Variants in ATM observed in about 807,000 individuals in gnomAD.
ATM encodes ATM serine/threonine kinase.
ATM carries 308 observed loss-of-function variants against 387.0 expected under a neutral mutation model. That is an observed-to-expected ratio of 0.80 (90% CI 0.73 to 0.87). The LOEUF is 0.87. Ranked by LOEUF, ATM falls within the 40% of genes least tolerant of loss-of-function variation. The pLI is 0.00. For missense variants in ATM, 3,312 were observed against 3,560.9 expected, an observed-to-expected ratio of 0.93 and a Z score of 1.78; for synonymous variants, 1,156 against 1,187.3, an observed-to-expected ratio of 0.97 and a Z score of 0.54.
At position 108,335,160 on chromosome 11, in the gene ATM, T is replaced by C. The variant is rs765885490; in HGVS notation, c.8151+51T>C. The C allele has an allele frequency of 2.5e-6, 4 of 1,612,178 alleles. No individual in the cohort carries two copies. The South Asian group carries it at 4.4e-5, about 18-fold the overall frequency. ...CCCTTAGAGTTTTAGTGATGAAAAT[T>C]TTTAGTTCATATTTTCTTTCTGCTT... is the stretch of plus-strand genomic sequence containing the variant. On this transcript the variant is annotated intron_variant, in intron 55 of 62. Transcript: ENST00000675843.
In ATM at chr11:108,308,796, C is replaced by T. The variant is rs2083890898; in HGVS notation, c.5762+812C>T. ...TGTAGTCTTAAACCATTCTTCTTCT[C>T]TAGTAGAAAAAGAAGTTTTATGCTT... On this transcript the variant is annotated intron_variant, in intron 38 of 62. Transcript: ENST00000675843. 5.7e-6 allele frequency: 3 copies of T among 528,894 alleles called. No individual in the cohort carries two copies. The East Asian group carries it at 9.1e-5, about 16-fold the overall frequency. The allele number at this position is 528,894 out of a possible 1,614,324, so 32.8% of individuals were successfully genotyped here.
intron 26 of ATM, among the ~76,000 whole-genome samples, chr11:108,285,536 GTATT>G (rs2082447636): frequency 6.6e-6 from 1 of 151,776 alleles, no homozygotes; most frequent in Non-Finnish European, 1.5e-5. Flanking sequence ...ATTTATGTAT[GTATT>G]TATTTATTTT....
intron 14 of ATM, among the ~76,000 whole-genome samples, chr11:108,256,990 G>A (rs565626752): frequency 3.9e-4 from 60 of 152,270 alleles, no homozygotes; most frequent in African/African-American, 1.4e-3. Context: ...GTGTGCATGT[G>A]TCTTTATAGT....
At chr11:108,321,148 T>C (rs1487246625) in intron 44 of ATM, among the ~76,000 whole-genome samples, 153 bp from the exon 45 acceptor site, 1 of 152,200 alleles carries the variant, frequency 6.6e-6, no homozygotes, top group Non-Finnish European at 1.5e-5. Context: ...TGTATTTTGT[T>C]TCCACTGCTA....
rs1169813314 is a variant in ATM, at chr11:108,360,514, T to C, written c.8851-4568T>C. Among the ~76,000 whole-genome samples the C allele has an allele frequency of 5.5e-4, 72 of 131,132 alleles. 1 individual carries two copies. The highest frequency in any genetic ancestry group is 2.0e-3 in the African/African-American group (68 of 34,322). The allele number at this position is 131,132 out of a possible 152,430, so 86.0% of individuals were successfully genotyped here. On this transcript the variant is annotated intron_variant, in intron 61 of 62. Transcript: ENST00000675843. ...ACCAAAAAAGAGAATTTTAGACCAA[T>C]ATCCTTGATGAACATTGATGCAAAA... is the stretch of plus-strand genomic sequence containing the variant.
chr11:108,259,171 A>G, intron 16 of ATM, 96 bp downstream of exon 16: 1 of 1,011,438 alleles, frequency 9.9e-7, no homozygotes, highest in Non-Finnish European at 1.5e-6. Context: ...ATCTCACAAC[A>G]TATAGCTCTT....
intron 34 of ATM, 121 bp downstream of exon 34, chr11:108,300,006 T>C: frequency 5.2e-6 from 5 of 960,616 alleles, no homozygotes; most frequent in Non-Finnish European, 7.8e-6. Flanking sequence ...TCAGTGTCTT[T>C]ATGAAAATTC....
chr11:108,317,305 T>G, intron 42 of ATM, 68 bp from the exon 43 acceptor site: 3 of 1,521,940 alleles, frequency 2.0e-6, no homozygotes, highest in Non-Finnish European at 2.7e-6. Context: ...ATCTTTGCTG[T>G]TTTTTTCTCT....
chr11:108,350,719 CAA>C (rs2089085188), intron 59 of ATM, among the ~76,000 whole-genome samples: 1 of 152,090 alleles, frequency 6.6e-6, no homozygotes, highest in African/African-American at 2.4e-5. Flanking sequence ...GTGGGGATCT[CAA>C]CAGAGGAGCC....
intron 59 of ATM, among the ~76,000 whole-genome samples, chr11:108,350,544 G>C (rs2089064213): frequency 6.6e-6 from 1 of 152,180 alleles, no homozygotes; most frequent in Non-Finnish European, 1.5e-5. Flanking sequence ...TTAGAACAGA[G>C]ACAGTCACGG....
In ATM at chr11:108,306,374, T is replaced by C. The variant is rs189749979; in HGVS notation, c.5674+1522T>C. Among the ~76,000 whole-genome samples the C allele has an allele frequency of 1.9e-3, 290 of 152,184 alleles. 1 individual carries two copies. Among genetic ancestry groups the C allele is most frequent in the African/African-American group, 6.5e-3 (269 of 41,492 alleles). Reference sequence around the variant, plus strand: ...CTTTGTAAACTATCTAAAATGTATCTCTTATCTTTAATTGGGAAAATACAG... The same window carrying C: ...CTTTGTAAACTATCTAAAATGTATCCCTTATCTTTAATTGGGAAAATACAG... On this transcript the variant is annotated intron_variant, in intron 37 of 62. Coordinates refer to ENST00000675843, the MANE Select transcript of ATM (RefSeq NM_000051.4).
chr11:108,292,554 ATTTATTTCAGAGT>A, intron 29 of ATM, 52 bp from the exon 30 acceptor site: 1 of 1,552,266 alleles, frequency 6.4e-7, no homozygotes, highest in Non-Finnish European at 8.9e-7. Context: ...TTCTGAATGA[ATTTATTTCAGAGT>A]AATTTTCCAG....
intron 4 of ATM, among the ~76,000 whole-genome samples, 169 bp from the exon 5 acceptor site, chr11:108,235,501 G>GA (rs535426066): frequency 1.0e-4 from 15 of 147,282 alleles, no homozygotes; most frequent in East Asian, 3.9e-4. Context: ...TATTTGCAAA[G>GA]AAAAAAAAAA....
At chr11:108,325,899 G>A (rs566771672) in intron 46 of ATM, among the ~76,000 whole-genome samples, 159 bp from the exon 47 acceptor site, 1 of 152,298 alleles carries the variant, frequency 6.6e-6, no homozygotes, top group African/African-American at 2.4e-5. Context: ...CAGACGTGGG[G>A]TGGGGAGATG....
At position 108,229,378 on chromosome 11, in the gene ATM, G is replaced by GTTT. The variant is rs11390378; in HGVS notation, c.331+67_331+69dup. ...GGCTTAACAGATTACTGTCGCGTGA[G>GTTT]TTTTTTTTTTTTTTCAGATCATTTT... On this transcript the variant is annotated intron_variant, in intron 4 of 62. Coordinates refer to ENST00000675843, the MANE Select transcript of ATM (RefSeq NM_000051.4). The GTTT allele has an allele frequency of 8.2e-3, 10,344 of 1,257,780 alleles. 4 individuals are homozygous for GTTT. The highest frequency in any genetic ancestry group is 9.2e-3 in the Non-Finnish European group (8,455 of 923,234). 77.9% of individuals were successfully genotyped at this position (1,257,780 alleles called of 1,614,324 possible).
chr11:108,311,428 G>C (rs1387777118), intron 39 of ATM, among the ~76,000 whole-genome samples: 3 of 152,166 alleles, frequency 2.0e-5, no homozygotes, highest in African/African-American at 7.2e-5. Flanking sequence ...GGGCACAGTG[G>C]CTCACGCATG....
At chr11:108,353,376 C>T (rs1226974995) in intron 59 of ATM, among the ~76,000 whole-genome samples, 1 of 152,092 alleles carries the variant, frequency 6.6e-6, no homozygotes, top group African/African-American at 2.4e-5. Context: ...CTCTTAACTC[C>T]TGACCTCAGG....
chr11:108,282,837 CTTTTA>C lies in ATM; in HGVS notation c.3712_3716del (p.Leu1238LysfsTer6), dbSNP rs786201675. 14 of 1,535,136 alleles carry C rather than the reference CTTTTA, an allele frequency of 9.1e-6. No individual in the cohort carries two copies. The highest frequency in any genetic ancestry group is 1.3e-5 in the Non-Finnish European group (14 of 1,111,292). Reference sequence around the variant, plus strand: ...ACTGAATACAACTTATCTTCTTTTCCTTTTATTTTATTAAACTACACAAATATTGA... The same window carrying C: ...ACTGAATACAACTTATCTTCTTTTCCTTTTATTAAACTACACAAATATTGA... On this transcript the variant is annotated frameshift_variant, in exon 25 of 63. Coordinates refer to ENST00000675843, the MANE Select transcript of ATM (RefSeq NM_000051.4). LOFTEE classifies it high-confidence loss of function.
intron 5 of ATM, among the ~76,000 whole-genome samples, chr11:108,237,686 A>G (rs1334902060): frequency 6.6e-6 from 1 of 152,140 alleles, no homozygotes; most frequent in Non-Finnish European, 1.5e-5. Context: ...AGATTTGTAT[A>G]TAGAGTTTAG....
Sources: allele counts gnomAD v4.1 joint callset (sites outside exome capture counted in the v4.1 genomes callset), GRCh38; gene constraint gnomAD v4.1.1; transcripts MANE v1.5; gene names NCBI Gene and HGNC (gene_info 2026-07-23, HGNC 2026-07-21).